ZNG1F: variants seen among roughly 807,000 people sequenced by gnomAD.
ZNG1F encodes zinc-regulated GTPase metalloprotein activator 1F.
chr9:41,155,505 G>A, the ZNG1F span, among the ~76,000 whole-genome samples: 2 of 135,272 alleles, frequency 1.5e-5, no homozygotes, highest in African/African-American at 2.8e-5. Flanking sequence ...CCATTACTGG[G>A]TATATACCCT....
the ZNG1F span, chr9:41,132,502 T>C: frequency 5.1e-6 from 7 of 1,373,690 alleles, no homozygotes; most frequent in Non-Finnish European, 5.7e-6. Context: ...TTAATTCCAA[T>C]TATTTGTGAA....
At chr9:41,193,563 C>A in the ZNG1F span, among the ~76,000 whole-genome samples, 1 of 148,630 alleles carries the variant, frequency 6.7e-6, no homozygotes, top group African/African-American at 2.5e-5. Context: ...CTGCTCTATC[C>A]CTTACAGAAA....
chr9:41,180,660 ATGTGTG>A, the ZNG1F span, among the ~76,000 whole-genome samples: 1 of 90,700 alleles, frequency 1.1e-5, no homozygotes, highest in Non-Finnish European at 2.2e-5. Flanking sequence ...GTGTGTATGA[ATGTGTG>A]TGTGTGTGTG....
chr9:41,149,694 C>T, the ZNG1F span, among the ~76,000 whole-genome samples: 1 of 150,974 alleles, frequency 6.6e-6, no homozygotes, highest in Non-Finnish European at 1.5e-5. Flanking sequence ...TGGGAAGCTG[C>T]TATTCAAGGG....
At chr9:41,203,498 CAGGT>C in the ZNG1F span, among the ~76,000 whole-genome samples, 1 of 147,344 alleles carries the variant, frequency 6.8e-6, no homozygotes, top group Non-Finnish European at 1.5e-5. Flanking sequence ...GCTTAGGCCC[CAGGT>C]AACCATTGGT....
chr9:41,183,664 G>A, the ZNG1F span: 1 of 1,605,686 alleles, frequency 6.2e-7, no homozygotes, highest in Non-Finnish European at 8.5e-7. Flanking sequence ...GCACTTCCTA[G>A]AATAAATAAC....
the ZNG1F span, among the ~76,000 whole-genome samples, chr9:41,193,767 G>A: frequency 6.6e-6 from 1 of 151,748 alleles, no homozygotes; most frequent in Non-Finnish European, 1.5e-5. Flanking sequence ...GGGTGTGGTG[G>A]CACACGCCTG....
the ZNG1F span, among the ~76,000 whole-genome samples, chr9:41,154,647 C>T: frequency 6.8e-6 from 1 of 147,160 alleles, no homozygotes; most frequent in East Asian, 2.0e-4. Flanking sequence ...GTACTGGTAC[C>T]AAAACAGAGA....
the ZNG1F span, chr9:41,164,567 G>A: frequency 1.9e-5 from 1 of 51,452 alleles, no homozygotes; most frequent in African/African-American, 4.5e-5. Context: ...AGACAGAATA[G>A]GCTCTATAGA....
At chr9:41,155,142 TCAAA>T in the ZNG1F span, among the ~76,000 whole-genome samples, 1 of 151,120 alleles carries the variant, frequency 6.6e-6, no homozygotes, top group Admixed American at 6.6e-5. Context: ...TACAATGAAC[TCAAA>T]CAAATTTACA....
chr9:41,183,676 A>G, the ZNG1F span: 113 of 1,606,320 alleles, frequency 7.0e-5, 10 homozygotes, highest in Non-Finnish European at 9.4e-5. Flanking sequence ...ATAAATAACA[A>G]ACAATAAATA....
chr9:41,149,871 AG>A, the ZNG1F span, among the ~76,000 whole-genome samples: 1 of 151,270 alleles, frequency 6.6e-6, no homozygotes, highest in Non-Finnish European at 1.5e-5. Flanking sequence ...CTGATGCACA[AG>A]AATAACTAAT....
At chr9:41,150,390 TG>T in the ZNG1F span, among the ~76,000 whole-genome samples, 1 of 145,164 alleles carries the variant, frequency 6.9e-6, no homozygotes, top group Non-Finnish European at 1.5e-5. Context: ...GCAGCGAGGC[TG>T]GGGGAGGGGC....
At chr9:41,135,016 C>T in the ZNG1F span, among the ~76,000 whole-genome samples, 1 of 123,522 alleles carries the variant, frequency 8.1e-6, no homozygotes, top group Non-Finnish European at 1.8e-5. Flanking sequence ...CCCTGAGTCC[C>T]CAAAGTTTAT....
At chr9:41,183,753 G>C in the ZNG1F span, 2 of 1,580,992 alleles carry the variant, frequency 1.3e-6, no homozygotes, top group Non-Finnish European at 1.7e-6. Context: ...CAATAATGGA[G>C]ATCTTAAAGC....
chr9:41,173,932 A>G, the ZNG1F span, among the ~76,000 whole-genome samples: 3 of 148,824 alleles, frequency 2.0e-5, no homozygotes, highest in Non-Finnish European at 4.5e-5. Flanking sequence ...TTACTAAAAA[A>G]CAAAAGAGGC....
chr9:41,157,329 T>C, the ZNG1F span: 1 of 138,586 alleles, frequency 7.2e-6, no homozygotes, highest in African/African-American at 2.8e-5. Flanking sequence ...CTGGGTGTGG[T>C]GGCACGCACC....
At chr9:41,139,245 C>T in the ZNG1F span, among the ~76,000 whole-genome samples, 73 of 142,106 alleles carry the variant, frequency 5.1e-4, 5 homozygotes, top group Middle Eastern at 0.014. Flanking sequence ...TGCTATCTCT[C>T]TTCTGAATCT....
the ZNG1F span, chr9:41,164,881 T>G: frequency 3.1e-6 from 2 of 645,030 alleles, no homozygotes; most frequent in African/African-American, 1.9e-5. Context: ...TGTGATTCCC[T>G]AACGTTCTTG....
Sources: allele counts gnomAD v4.1 joint callset (sites outside exome capture counted in the v4.1 genomes callset), GRCh38; gene constraint gnomAD v4.1.1; transcripts MANE v1.5; gene names NCBI Gene and HGNC (gene_info 2026-07-23, HGNC 2026-07-21).